Variants in ATXN3 observed in about 807,000 individuals in gnomAD.
ATXN3 encodes ataxin 3.
A neutral mutation model predicts 58.2 loss-of-function variants in ATXN3; 28 were observed. The observed-to-expected ratio is 0.48, with a 90% CI of 0.36 to 0.66. ATXN3 has a LOEUF of 0.66. Ranked by LOEUF, ATXN3 falls within the 30% of genes least tolerant of loss-of-function variation. The pLI, the probability that ATXN3 is intolerant of heterozygous loss-of-function variation, is 0.00. For missense variants in ATXN3, 321 were observed against 422.1 expected, an observed-to-expected ratio of 0.76 and a Z score of 2.10; for synonymous variants, 113 against 138.5, an observed-to-expected ratio of 0.82 and a Z score of 1.29.
chr14:92,080,005 T>C (rs1297115497), intron 9 of ATXN3, among the ~76,000 whole-genome samples: 5 of 152,062 alleles, frequency 3.3e-5, no homozygotes, highest in Non-Finnish European at 5.9e-5. Flanking sequence ...CCTAAAATGG[T>C]GGGATTACAG....
chr14:92,063,069 CAATT>C lies in ATXN3; in HGVS notation c.*1247_*1250del, dbSNP rs1314425981. The C allele has an allele frequency of 6.6e-6, 1 of 152,628 alleles. No individual in the cohort carries two copies. Among genetic ancestry groups the C allele is most frequent in the African/African-American group, 2.4e-5 (1 of 41,452 alleles). 9.5% of individuals were successfully genotyped at this position (152,628 alleles called of 1,614,324 possible). ...CCAGCAAGAAACTCTCTGTACATCT[CAATT>C]AAAGAGAATATTTATCAAAACTATG... On this transcript the variant is annotated 3_prime_UTR_variant, in exon 11 of 11. Transcript: ENST00000644486.
intron 10 of ATXN3, chr14:92,070,705 C>T: frequency 8.3e-7 from 1 of 1,203,252 alleles, no homozygotes; most frequent in African/African-American, 1.6e-5. Flanking sequence ...CTTGGTTTCC[C>T]AAAGTGCTGG....
At chr14:92,088,861 T>C in intron 5 of ATXN3, 44 bp from the exon 6 acceptor site, 2 of 1,124,848 alleles carry the variant, frequency 1.8e-6, no homozygotes, top group Non-Finnish European at 2.7e-6. Flanking sequence ...ATATTATAGG[T>C]AATAAGGAAG....
chr14:92,096,859 A>C, intron 1 of ATXN3, 21 bp from the exon 2 acceptor site: 1 of 1,608,454 alleles, frequency 6.2e-7, no homozygotes, highest in Admixed American at 1.7e-5. Flanking sequence ...CAAAAGAAAA[A>C]ATTAAAATGT....
intron 6 of ATXN3, chr14:92,083,568 CACTT>C (rs2140806538): frequency 6.6e-6 from 3 of 452,908 alleles, no homozygotes; most frequent in East Asian, 5.7e-5. Context: ...GCAGGCTACT[CACTT>C]ACTGTTGTCA....
upstream of ATXN3, among the ~76,000 whole-genome samples, chr14:92,050,946 A>T (rs527794989): frequency 2.0e-5 from 3 of 152,350 alleles, no homozygotes; most frequent in African/African-American, 7.2e-5. Context: ...CATCAAAATG[A>T]ATTTATTTAT....
chr14:92,058,294 A>G (rs2057508571), downstream of ATXN3: 1 of 152,152 alleles, frequency 6.6e-6, no homozygotes, highest in African/African-American at 2.4e-5. Context: ...TGTAGCCTGA[A>G]ACTCTGCATT....
At chr14:92,106,503 G>T (rs754121865) in intron 1 of ATXN3, 26 bp downstream of exon 1, 1 of 1,613,126 alleles carries the variant, frequency 6.2e-7, no homozygotes, top group South Asian at 1.1e-5. Flanking sequence ...GCGGCAGACA[G>T]CTCCCCACCG....
chr14:92,079,800 T>C (rs2003721), intron 9 of ATXN3, among the ~76,000 whole-genome samples: 43,847 of 152,088 alleles, frequency 0.29, 6,747 homozygotes, highest in East Asian at 0.44. Flanking sequence ...TGCAATGGCG[T>C]TATCTCAGCT....
At chr14:92,065,858 G>A (rs2140250144) in intron 10 of ATXN3, among the ~76,000 whole-genome samples, 1 of 151,752 alleles carries the variant, frequency 6.6e-6, no homozygotes, top group Non-Finnish European at 1.5e-5. Flanking sequence ...TCCAGCCTCA[G>A]TGACAGAGCA....
chr14:92,082,425 T>G lies in ATXN3; in HGVS notation c.650A>C (p.Asp217Ala). The G allele has an allele frequency of 6.2e-7, 1 of 1,614,134 alleles. No individual in the cohort carries two copies. The highest frequency in any genetic ancestry group is 8.5e-7 in the Non-Finnish European group (1 of 1,180,012). ...ATCTTCGTCTAACATTCCTGAGCCA[T>G]CATTTGCTTCTAACACTCGTTCCAG... ...TDLERVLEAN[D>A]GSGMLDEDEE... Residue 217 changes from aspartate to alanine, a missense_variant, in exon 8 of 11, where the codon GAT becomes GCT. By Grantham distance (126) the Asp-to-Ala change is moderately radical (BLOSUM62 -2). Coordinates refer to ENST00000644486, the MANE Select transcript of ATXN3 (RefSeq NM_004993.6).
intron 4 of ATXN3, 38 bp downstream of exon 4, chr14:92,093,708 G>T: frequency 2.1e-6 from 3 of 1,408,914 alleles, no homozygotes; most frequent in Non-Finnish European, 2.0e-6. Flanking sequence ...AATCAAATTT[G>T]GGAAAAGAAA....
intron 1 of ATXN3, among the ~76,000 whole-genome samples, chr14:92,097,152 GC>G (rs1176681121): frequency 2.0e-5 from 3 of 151,770 alleles, no homozygotes; most frequent in Admixed American, 1.3e-4. Flanking sequence ...CTCGTGATCC[GC>G]CCGCCTTGGC....
chr14:92,076,422 T>C (rs910601625), intron 9 of ATXN3, among the ~76,000 whole-genome samples: 2 of 139,498 alleles, frequency 1.4e-5, no homozygotes, highest in Admixed American at 1.6e-4. Context: ...CACTCCAGAC[T>C]GGGTGACAAA....
intron 9 of ATXN3, among the ~76,000 whole-genome samples, chr14:92,076,455 GAAAAAAAAA>G (rs374353802): frequency 1.0e-5 from 1 of 98,542 alleles, no homozygotes; most frequent in South Asian, 3.3e-4. Context: ...TCTCAAAAAA[GAAAAAAAAA>G]AAAAAAAAAG....
chr14:92,053,129 A>G (rs2057454024), upstream of ATXN3, among the ~76,000 whole-genome samples: 1 of 152,172 alleles, frequency 6.6e-6, no homozygotes. Flanking sequence ...GCATGCCTGT[A>G]GTCCCAGCTA....
chr14:92,069,375 T>C (rs1027592734), intron 10 of ATXN3, among the ~76,000 whole-genome samples: 1 of 143,844 alleles, frequency 7.0e-6, no homozygotes. Flanking sequence ...CCAGCCCTTT[T>C]TTTTTTTTTT....
At chr14:92,096,489 T>C in intron 2 of ATXN3, 185 bp downstream of exon 2, 1 of 749,868 alleles carries the variant, frequency 1.3e-6, no homozygotes, top group South Asian at 1.9e-5. Context: ...CCGGGCATAG[T>C]GCCGTGTGCC....
At chr14:92,069,495 T>C (rs2059077350) in intron 10 of ATXN3, among the ~76,000 whole-genome samples, 1 of 147,534 alleles carries the variant, frequency 6.8e-6, no homozygotes, top group African/African-American at 2.5e-5. Context: ...TGCCTCAGCC[T>C]CCTGAATAGC....
Sources: allele counts gnomAD v4.1 joint callset (sites outside exome capture counted in the v4.1 genomes callset), GRCh38; gene constraint gnomAD v4.1.1; transcripts MANE v1.5; gene names NCBI Gene and HGNC (gene_info 2026-07-23, HGNC 2026-07-21).